The following LGI1 variants were observed in gnomAD, a reference collection of about 807,000 sequenced individuals.
The protein encoded by LGI1 is leucine-rich glioma-inactivated protein 1.
In LGI1, 11 loss-of-function variants were observed where a neutral mutation model predicts 57.7. That is an observed-to-expected ratio of 0.19 (90% CI 0.12 to 0.32). LGI1 has a LOEUF of 0.32. Among genes scored for constraint, LGI1 ranks in the 10% least tolerant of loss-of-function variants. LGI1 has a pLI of 1.00. For missense variants in LGI1, 422 were observed against 661.9 expected (o/e 0.64, Z 3.98); for synonymous variants, 222 against 241.9 (o/e 0.92, Z 0.76).
At chr10:93,796,860 T>C in intron 7 of LGI1, 108 bp from the exon 8 acceptor site, 1 of 904,120 alleles carries the variant, frequency 1.1e-6, no homozygotes, top group Non-Finnish European at 1.8e-6. Flanking sequence ...CAAGGAGATC[T>C]CTTGTTTCAG....
chr10:93,791,771 G>A (rs2059939692), intron 5 of LGI1: 1 of 152,146 alleles, frequency 6.6e-6, no homozygotes, highest in South Asian at 2.1e-4. Flanking sequence ...ATATGTAAAT[G>A]GTCTATGCTG....
At chr10:93,759,526 A>T (rs906156635) in intron 2 of LGI1, among the ~76,000 whole-genome samples, 6 of 152,216 alleles carry the variant, frequency 3.9e-5, no homozygotes, top group African/African-American at 1.2e-4. Context: ...GCATAATGGA[A>T]CACATAAAAT....
rs773401944 is a variant in LGI1 at position 93,797,722 on chromosome 10, T to A, written c.1593T>A (p.Asn531Lys). 3 of 1,612,682 alleles carry A rather than the reference T, an allele frequency of 1.9e-6. No homozygotes were observed. Among genetic ancestry groups the A allele is most frequent in the Non-Finnish European group, 2.5e-6 (3 of 1,180,020 alleles). Residue 531 changes from asparagine (N) to lysine (K), a missense_variant, in exon 8 of 8, where the codon AAT (asparagine) becomes AAA (lysine). Asn to Lys is a moderately conservative substitution (Grantham distance 94, BLOSUM62 0). Coordinates refer to ENST00000371418, the MANE Select transcript of LGI1 (RefSeq NM_005097.4). This position sits in a 1 kb window ranked among gnomAD's most constrained non-coding sequence, Gnocchi z 6.5. ...GATCATTCACACATGTGTCCATTAA[T>A]AAGCGTAATTTTCTTTTTGCTTCCA... is the stretch of plus-strand genomic sequence containing the variant. ...APRSFTHVSI[N>K]KRNFLFASSF...
At chr10:93,771,175 G>GA (rs1281611809) in intron 2 of LGI1, 1 of 152,136 alleles carries the variant, frequency 6.6e-6, no homozygotes, top group Non-Finnish European at 1.5e-5. Flanking sequence ...TTATTCAACA[G>GA]AAAGCCTTGG....
rs2059581578 is a variant in LGI1 at position 93,757,981 on chromosome 10, CGAG to C, written c.-160_-158del. On this transcript the variant is annotated 5_prime_UTR_variant, in exon 1 of 8. Coordinates refer to ENST00000371418, the MANE Select transcript of LGI1 (RefSeq NM_005097.4). ...TCCCCCGAGCAGTGCATTGCTGGAG[CGAG>C]GAGAAGCTCACGAATCAGCTGCAGG... 1 of 693,804 alleles carries C rather than the reference CGAG, an allele frequency of 1.4e-6. No individual in the cohort carries two copies. The highest frequency in any genetic ancestry group is 2.1e-5 in the Admixed American group (1 of 47,986). The allele number at this position is 693,804 out of a possible 1,614,324, so 43.0% of individuals were successfully genotyped here.
At chr10:93,785,550 C>T (rs2059888427) in intron 4 of LGI1, among the ~76,000 whole-genome samples, 1 of 152,172 alleles carries the variant, frequency 6.6e-6, no homozygotes, top group Non-Finnish European at 1.5e-5. Flanking sequence ...ACTTAAACCA[C>T]TATACTCCCC....
intron 4 of LGI1, 176 bp from the exon 5 acceptor site, chr10:93,789,923 G>C: frequency 4.8e-6 from 3 of 628,822 alleles, no homozygotes; most frequent in Non-Finnish European, 8.2e-6. Flanking sequence ...GAACAGGTTA[G>C]GAACTGAAAG....
At chr10:93,773,371 G>A (rs185699207) in intron 2 of LGI1, among the ~76,000 whole-genome samples, 1 of 152,214 alleles carries the variant, frequency 6.6e-6, no homozygotes, top group East Asian at 1.9e-4. Context: ...CTGAACCAGG[G>A]GTCTTGGGCC....
At chr10:93,783,781 G>A (rs1157051911) in intron 4 of LGI1, among the ~76,000 whole-genome samples, 3 of 152,180 alleles carry the variant, frequency 2.0e-5, no homozygotes, top group African/African-American at 7.2e-5. Flanking sequence ...GGAGGCCAAG[G>A]CGGGCGGATC....
At chr10:93,791,475 A>T (rs1589771976) in intron 5 of LGI1, 1 of 152,354 alleles carries the variant, frequency 6.6e-6, no homozygotes, top group East Asian at 1.9e-4. Context: ...GAATCCCAAG[A>T]TGGGTTTAGC....
At position 93,797,841 on chromosome 10, in the gene LGI1, C is replaced by T. The variant is rs2059994318; in HGVS notation, c.*38C>T. ...TGTGGCTGCCATCAGAAATTTTCTA[C>T]AGTACATGACCCGGATGAACTCAAT... is the stretch of plus-strand genomic sequence containing the variant. On this transcript the variant is annotated 3_prime_UTR_variant, in exon 8 of 8. Coordinates refer to ENST00000371418, the MANE Select transcript of LGI1 (RefSeq NM_005097.4). The surrounding 1 kb of genome is among the most constrained non-coding windows in gnomAD (Gnocchi z 6.5). 5 of 1,380,796 alleles carry T rather than the reference C, an allele frequency of 3.6e-6. No homozygotes were observed. In the East Asian group the frequency reaches 1.1e-4, roughly 32 times the overall value. 85.5% of individuals were successfully genotyped at this position (1,380,796 alleles called of 1,614,324 possible). A position where few individuals can be genotyped will look rare whatever the true frequency, so the allele number is the denominator to read the frequency against.
At position 93,777,466 on chromosome 10, in the gene LGI1, T is replaced by C. The variant is rs1275260902; in HGVS notation, c.359+16T>C. ...TAGAGTATTTGTAAGTAAAAAAGCT[T>C]TTTTAAAACATGATGATTCAGGACA... is the stretch of plus-strand genomic sequence containing the variant. On this transcript the variant is annotated intron_variant, in intron 3 of 7. Transcript: ENST00000371418. 1 of 1,612,992 alleles carries C rather than the reference T, an allele frequency of 6.2e-7. No individual in the cohort carries two copies. Among genetic ancestry groups the C allele is most frequent in the Admixed American group, 1.7e-5 (1 of 60,020 alleles).
chr10:93,796,722 G>A (rs561094827), intron 7 of LGI1, among the ~76,000 whole-genome samples: 11 of 152,304 alleles, frequency 7.2e-5, no homozygotes, highest in Non-Finnish European at 1.2e-4. Context: ...TGTCCTGAAC[G>A]TCTAGCGCAG....
rs1187750943 is a variant in LGI1 at position 93,785,810 on chromosome 10, C to T, written c.432-4289C>T. On this transcript the variant is annotated intron_variant, in intron 4 of 7. Coordinates refer to ENST00000371418, the MANE Select transcript of LGI1 (RefSeq NM_005097.4). The stretch of plus-strand genomic sequence containing the variant: ...AATATCAACCCTAAAATAACCCTAA[C>T]CCTAACCCACAAAGTGCTATCTCAG... Among the ~76,000 whole-genome samples, 4 of 20,314 alleles carry T rather than the reference C, an allele frequency of 2.0e-4. 1 individual carries two copies. The highest frequency in any genetic ancestry group is 2.2e-4 in the African/African-American group (4 of 18,274). 13.3% of individuals were successfully genotyped at this position (20,314 alleles called of 152,430 possible).
chr10:93,797,889 A>C lies in LGI1; in HGVS notation c.*86A>C. ...AATGCATGATGACTCTTCTTATCAC[A>C]CTTGCAAATGAATGCCTTTCAAACA... On this transcript the variant is annotated 3_prime_UTR_variant, in exon 8 of 8. Transcript: ENST00000371418. The surrounding 1 kb of genome is among the most constrained non-coding windows in gnomAD (Gnocchi z 6.5). 1 of 925,740 alleles carries C rather than the reference A, an allele frequency of 1.1e-6. No homozygotes were observed. The highest frequency in any genetic ancestry group is 1.8e-6 in the Non-Finnish European group (1 of 568,442). The allele number at this position is 925,740 out of a possible 1,614,324, so 57.3% of individuals were successfully genotyped here. A position where few individuals can be genotyped will look rare whatever the true frequency, so the allele number is the denominator to read the frequency against.
chr10:93,775,212 C>T (rs11187656), intron 2 of LGI1, among the ~76,000 whole-genome samples: 5,219 of 152,218 alleles, frequency 0.034, 316 homozygotes, highest in African/African-American at 0.12. Context: ...CCAAAAGATG[C>T]CCCTTGTGTT....
At chr10:93,796,170 C>T (rs1221094635) in intron 7 of LGI1, among the ~76,000 whole-genome samples, 6 of 152,228 alleles carry the variant, frequency 3.9e-5, no homozygotes, top group African/African-American at 1.2e-4. Context: ...ACCCTTCTTT[C>T]GATTTTTTTA....
intron 5 of LGI1, 103 bp from the exon 6 acceptor site, chr10:93,792,640 C>A (rs776774716): frequency 8.1e-7 from 1 of 1,234,358 alleles, no homozygotes; most frequent in Non-Finnish European, 1.2e-6. Context: ...CAGGATGCAA[C>A]GCCGGGTAAG....
At chr10:93,777,496 C>T in intron 3 of LGI1, 46 bp downstream of exon 3, 1 of 1,606,936 alleles carries the variant, frequency 6.2e-7, no homozygotes, top group Non-Finnish European at 8.5e-7. Context: ...AGGACAAGTA[C>T]TCTCAAGTTC....
Sources: gnomAD v4.1 joint callset for allele counts (sites outside exome capture counted in the v4.1 genomes callset) on GRCh38, gnomAD v4.1.1 for gene constraint, Gnocchi (gnomAD v3.1) non-coding constraint, MANE v1.5 for transcripts, NCBI Gene and HGNC (gene_info 2026-07-23, HGNC 2026-07-21) for gene names.